The following ANKS1B variants were observed in gnomAD, a reference collection of about 807,000 sequenced individuals.
The protein encoded by ANKS1B is ankyrin repeat and sterile alpha motif domain-containing protein 1B.
In ANKS1B, 36 loss-of-function variants were observed where a neutral mutation model predicts 148.3. The ratio of observed to expected loss-of-function variants is 0.24; its 90% CI spans 0.19 to 0.32. ANKS1B has a LOEUF of 0.32. Ranked by LOEUF, ANKS1B falls within the 10% of genes least tolerant of loss-of-function variation. The pLI is 1.00. For missense variants in ANKS1B, 1,157 were observed against 1,542.6 expected (o/e 0.75, Z 4.19); for synonymous variants, 542 against 560.8 (o/e 0.97, Z 0.47).
chr12:99,869,673 C>A (rs1328275269), intron 1 of ANKS1B, among the ~76,000 whole-genome samples: 2 of 143,366 alleles, frequency 1.4e-5, no homozygotes, highest in East Asian at 2.0e-4. Flanking sequence ...AAGAGTGAAA[C>A]TTTGTCTCAA....
chr12:99,677,910 T>C (rs1599480785), intron 8 of ANKS1B, among the ~76,000 whole-genome samples: 1 of 152,172 alleles, frequency 6.6e-6, no homozygotes, highest in Non-Finnish European at 1.5e-5. Context: ...GAGGTGGCGG[T>C]TGCAGTGAGC....
At chr12:99,109,749 C>T (rs1045757068) in intron 15 of ANKS1B, among the ~76,000 whole-genome samples, 4 of 152,120 alleles carry the variant, frequency 2.6e-5, no homozygotes, top group African/African-American at 7.3e-5. Context: ...TAGCATTTGT[C>T]TTTATGCACT....
intron 1 of ANKS1B, among the ~76,000 whole-genome samples, chr12:99,831,715 AG>A (rs1250511353): frequency 1.3e-5 from 2 of 149,688 alleles, no homozygotes; most frequent in Admixed American, 1.3e-4. Context: ...CCTACTGATC[AG>A]GGTTTTTTTT....
At chr12:98,852,182 G>C (rs1256159087) in intron 17 of ANKS1B, among the ~76,000 whole-genome samples, 1 of 152,052 alleles carries the variant, frequency 6.6e-6, no homozygotes, top group African/African-American at 2.4e-5. Flanking sequence ...TGAGGATAAG[G>C]CTCAGCAATT....
chr12:99,955,449 C>T (rs12817745), intron 1 of ANKS1B, among the ~76,000 whole-genome samples: 3 of 133,504 alleles, frequency 2.2e-5, no homozygotes, highest in South Asian at 2.4e-4. Flanking sequence ...GTCGAGATCG[C>T]GCCACTGCGC....
intron 1 of ANKS1B, among the ~76,000 whole-genome samples, chr12:99,943,384 C>T (rs2094968799): frequency 6.6e-6 from 1 of 152,112 alleles, no homozygotes; most frequent in Non-Finnish European, 1.5e-5. Context: ...GAGACTGTGC[C>T]CTTTCTCCAC....
At chr12:99,072,322 G>T (rs2046530177) in intron 16 of ANKS1B, among the ~76,000 whole-genome samples, 1 of 152,038 alleles carries the variant, frequency 6.6e-6, no homozygotes, top group African/African-American at 2.4e-5. Context: ...AACTAATATT[G>T]AGTTCCTCTA....
chr12:99,743,096 C>T (rs1178734181), intron 8 of ANKS1B, among the ~76,000 whole-genome samples: 1 of 152,122 alleles, frequency 6.6e-6, no homozygotes, highest in Non-Finnish European at 1.5e-5. Context: ...AGAAACTCTG[C>T]CTTAATTATT....
chr12:98,975,252 C>A (rs1418026424), intron 17 of ANKS1B, among the ~76,000 whole-genome samples: 1 of 142,808 alleles, frequency 7.0e-6, no homozygotes, highest in East Asian at 2.2e-4. Flanking sequence ...TTCCTTCTTT[C>A]TTTCCTTCAT....
chr12:99,065,638 CCCAT>C (rs34386631), intron 16 of ANKS1B, among the ~76,000 whole-genome samples: 5,194 of 41,286 alleles, frequency 0.13, 313 homozygotes, highest in African/African-American at 0.23. Context: ...ATCCATCCAT[CCCAT>C]CCATCCATCC....
In ANKS1B at chr12:98,852,981, T is replaced by C. The variant is rs545590132; in HGVS notation, c.2779-20845A>G. Among the ~76,000 whole-genome samples, 3 of 152,208 alleles carry C rather than the reference T, an allele frequency of 2.0e-5. No individual in the cohort carries two copies. In the South Asian group the frequency reaches 6.2e-4, roughly 32 times the overall value. ...AAATCTTTTGAAAAATATAAAGCGT[T>C]CTATAAAAACAAGGTGATATCAAAA... is the stretch of plus-strand genomic sequence containing the variant. On this transcript the variant is annotated intron_variant, in intron 17 of 26. Coordinates refer to ENST00000683438, the MANE Select transcript of ANKS1B (RefSeq NM_001352186.2).
At chr12:98,741,736 T>C (rs114836481), downstream of ANKS1B, among the ~76,000 whole-genome samples, 346 of 152,326 alleles carry the variant, frequency 2.3e-3, 1 homozygote, top group African/African-American at 7.9e-3. Context: ...CACAGCACAC[T>C]GGCATTGTTT....
At chr12:99,347,226 C>A (rs149455218) in intron 12 of ANKS1B, among the ~76,000 whole-genome samples, 328 of 152,062 alleles carry the variant, frequency 2.2e-3, no homozygotes, top group African/African-American at 5.0e-3. Flanking sequence ...CACTGCTACG[C>A]CCATGAGACA....
chr12:99,171,247 A>G (rs1334229520), intron 14 of ANKS1B, among the ~76,000 whole-genome samples: 2 of 152,228 alleles, frequency 1.3e-5, no homozygotes. Flanking sequence ...TATAAACTAC[A>G]TGTCCTTCTT....
chr12:99,247,855 A>C (rs2074065184), intron 12 of ANKS1B, among the ~76,000 whole-genome samples: 1 of 152,192 alleles, frequency 6.6e-6, no homozygotes, highest in South Asian at 2.1e-4. Flanking sequence ...AAATTACCTG[A>C]TAAGCCCATA....
At chr12:99,077,577 T>G (rs1485520292) in intron 16 of ANKS1B, among the ~76,000 whole-genome samples, 2 of 152,228 alleles carry the variant, frequency 1.3e-5, no homozygotes, top group Non-Finnish European at 2.9e-5. Flanking sequence ...TCTAGACTTT[T>G]AAAGAAATAA....
intron 17 of ANKS1B, among the ~76,000 whole-genome samples, chr12:98,878,524 G>C (rs951700682): frequency 7.2e-5 from 11 of 152,172 alleles, no homozygotes; most frequent in African/African-American, 1.4e-4. Flanking sequence ...TGAGGTCGGG[G>C]ACTCTGTCTT....
At chr12:99,835,248 C>CA (rs1191460160) in intron 1 of ANKS1B, among the ~76,000 whole-genome samples, 5,584 of 86,892 alleles carry the variant, frequency 0.064, 191 homozygotes, top group African/African-American at 0.1. Context: ...CCCATCTCTA[C>CA]AAAAAAAAAA....
intron 12 of ANKS1B, among the ~76,000 whole-genome samples, chr12:99,370,692 A>G (rs1021378570): frequency 6.6e-6 from 1 of 152,204 alleles, no homozygotes; most frequent in South Asian, 2.1e-4. Flanking sequence ...TAACTAGTTG[A>G]AATTTCACAG....
Sources: gnomAD v4.1 joint callset for allele counts (sites outside exome capture counted in the v4.1 genomes callset) on GRCh38, gnomAD v4.1.1 for gene constraint, MANE v1.5 for transcripts, NCBI Gene and HGNC (gene_info 2026-07-23, HGNC 2026-07-21) for gene names.